GNPNAT1: variants seen among roughly 807,000 people sequenced by gnomAD.
GNPNAT1 encodes the protein glucosamine 6-phosphate N-acetyltransferase.
A neutral mutation model predicts 19.8 loss-of-function variants in GNPNAT1; 11 were observed. The observed-to-expected ratio is 0.56, with a 90% CI of 0.35 to 0.92. GNPNAT1 has a LOEUF of 0.92. Ranked by LOEUF, GNPNAT1 falls within the 40% of genes least tolerant of loss-of-function variation. GNPNAT1 has a pLI of 0.01. For missense variants in GNPNAT1, 157 were observed against 211.0 expected, an observed-to-expected ratio of 0.74 and a Z score of 1.59; for synonymous variants, 71 against 72.3, an observed-to-expected ratio of 0.98 and a Z score of 0.09.
In GNPNAT1 at chr14:52,779,706, G is replaced by A. The variant is rs866600334; in HGVS notation, c.407+973C>T. Among the ~76,000 whole-genome samples, 193 of 49,392 alleles carry A rather than the reference G, an allele frequency of 3.9e-3. 2 individuals are homozygous for A. The highest frequency in any genetic ancestry group is 0.014 in the African/African-American group (183 of 12,864). The allele number at this position is 49,392 out of a possible 152,430, so 32.4% of individuals were successfully genotyped here. ...ACTGTATACTCCAGCCTGGGCAACA[G>A]AAAGAGATCCCATCTCTTAAAAAAA... On this transcript the variant is annotated intron_variant, in intron 5 of 5. Transcript: ENST00000216410.
intron 1 of GNPNAT1, among the ~76,000 whole-genome samples, chr14:52,787,361 T>C (rs983136955): frequency 2.0e-5 from 3 of 152,112 alleles, no homozygotes; most frequent in Non-Finnish European, 2.9e-5. Flanking sequence ...ATACTAGTTA[T>C]GGGAAGGTAG....
rs999202226 is a variant in GNPNAT1 at position 52,777,568 on chromosome 14, G to A, written c.*743C>T. 2 of 152,122 alleles carry A rather than the reference G, an allele frequency of 1.3e-5. No individual in the cohort carries two copies. Among genetic ancestry groups the A allele is most frequent in the African/African-American group, 4.8e-5 (2 of 41,442 alleles). The allele number at this position is 152,122 out of a possible 1,614,324, so 9.4% of individuals were successfully genotyped here. A position where few individuals can be genotyped will look rare whatever the true frequency, so the allele number is the denominator to read the frequency against. ...ATAGGCTGAGGTTTGCTAATTCACT[G>A]TTTACAGAGGACCTTAGATGTCCCA... On this transcript the variant is annotated 3_prime_UTR_variant, in exon 6 of 6. Coordinates refer to ENST00000216410, the MANE Select transcript of GNPNAT1 (RefSeq NM_198066.4).
At chr14:52,784,214 T>C (rs1882958436) in intron 2 of GNPNAT1, among the ~76,000 whole-genome samples, 1 of 152,242 alleles carries the variant, frequency 6.6e-6, no homozygotes, top group South Asian at 2.1e-4. Context: ...TCCCTCCTTA[T>C]GTGTCATCAT....
intron 1 of GNPNAT1, among the ~76,000 whole-genome samples, chr14:52,785,220 G>A (rs985214894): frequency 2.0e-5 from 3 of 151,952 alleles, no homozygotes; most frequent in East Asian, 2.0e-4. Context: ...GAGCCACTGC[G>A]CCCGGCTATT....
chr14:52,784,425 A>T (rs1312270050), intron 2 of GNPNAT1, 72 bp downstream of exon 2: 2 of 1,253,954 alleles, frequency 1.6e-6, no homozygotes, highest in Admixed American at 2.8e-5. Context: ...TTTAAAAAAA[A>T]TTATCTGCAT....
rs1403066211 is a variant in GNPNAT1 at position 52,778,236 on chromosome 14, CAACA to C, written c.*71_*74del. 7.6e-6 allele frequency: 9 copies of C among 1,179,612 alleles called. No homozygotes were observed. The highest frequency in any genetic ancestry group is 9.4e-6 in the Non-Finnish European group (8 of 849,736). 73.1% of individuals were successfully genotyped at this position (1,179,612 alleles called of 1,614,324 possible). A position where few individuals can be genotyped will look rare whatever the true frequency, so the allele number is the denominator to read the frequency against. On this transcript the variant is annotated 3_prime_UTR_variant, in exon 6 of 6. Coordinates refer to ENST00000216410, the MANE Select transcript of GNPNAT1 (RefSeq NM_198066.4). ...ATTTATGGAGGTCACTCGGCTGCAGCAACAAAATATTTCAACTCTAGGAAGAGTG... is the reference window on the plus strand; with the variant it reads ...ATTTATGGAGGTCACTCGGCTGCAGCAAATATTTCAACTCTAGGAAGAGTG...
intron 3 of GNPNAT1, among the ~76,000 whole-genome samples, chr14:52,782,155 T>C (rs937548383): frequency 3.9e-5 from 6 of 152,126 alleles, no homozygotes; most frequent in South Asian, 4.1e-4. Flanking sequence ...ATAGCTATTT[T>C]AGATGAACAA....
chr14:52,782,592 G>C (rs1276975062), intron 3 of GNPNAT1, among the ~76,000 whole-genome samples: 1 of 151,996 alleles, frequency 6.6e-6, no homozygotes, highest in Non-Finnish European at 1.5e-5. Context: ...TGCATGCAAA[G>C]AAAAATTCAG....
chr14:52,786,857 A>ATTTTTTTTTTT (rs567085170), intron 1 of GNPNAT1, among the ~76,000 whole-genome samples: 5 of 98,686 alleles, frequency 5.1e-5, no homozygotes, highest in African/African-American at 1.5e-4. Context: ...CAGGTTTTGG[A>ATTTTTTTTTTT]TTTTTTTTTT....
At chr14:52,781,943 G>A in intron 3 of GNPNAT1, 32 bp from the exon 4 acceptor site, 1 of 1,547,766 alleles carries the variant, frequency 6.5e-7, no homozygotes, top group East Asian at 2.4e-5. Context: ...GTGTTACATA[G>A]TAGACATTCA....
At chr14:52,779,681 A>G (rs1161551398) in intron 5 of GNPNAT1, among the ~76,000 whole-genome samples, 2 of 129,084 alleles carry the variant, frequency 1.5e-5, no homozygotes, top group Non-Finnish European at 3.1e-5. Context: ...TGATCGTACC[A>G]CTGTATACTC....
intron 1 of GNPNAT1, among the ~76,000 whole-genome samples, chr14:52,785,083 G>A (rs897370456): frequency 7.9e-5 from 12 of 151,686 alleles, no homozygotes; most frequent in Admixed American, 7.2e-4. Context: ...GTGACACCAC[G>A]CCCGGCTAAT....
At position 52,785,166 on chromosome 14, in the gene GNPNAT1, G is replaced by T. The variant is rs1052684475; in HGVS notation, c.-14-502C>A. Among the ~76,000 whole-genome samples, 19 of 151,892 alleles carry T rather than the reference G, an allele frequency of 1.3e-4. 1 individual carries two copies. Among genetic ancestry groups the T allele is most frequent in the Admixed American group, 1.2e-3 (19 of 15,260 alleles). The stretch of plus-strand genomic sequence containing the variant: ...TGGTCTCAAACTCCCGACCTCAGGT[G>T]ATCTGCCCGCCTCGGCCTCCCAAAG... On this transcript the variant is annotated intron_variant, in intron 1 of 5. Coordinates refer to ENST00000216410, the MANE Select transcript of GNPNAT1 (RefSeq NM_198066.4).
At chr14:52,784,378 CTAAG>C (rs1882962061) in intron 2 of GNPNAT1, 115 bp downstream of exon 2, 9 of 688,500 alleles carry the variant, frequency 1.3e-5, no homozygotes, top group South Asian at 1.1e-4. Flanking sequence ...ACTTTAAAAA[CTAAG>C]TATTATACAA....
intron 5 of GNPNAT1, 115 bp from the exon 6 acceptor site, chr14:52,778,573 A>C: frequency 1.1e-6 from 1 of 889,618 alleles, no homozygotes; most frequent in Non-Finnish European, 1.7e-6. Context: ...ACAGGTTTAG[A>C]TTATGGCTTT....
chr14:52,781,325 G>A (rs1039234016), intron 4 of GNPNAT1, among the ~76,000 whole-genome samples: 1 of 152,072 alleles, frequency 6.6e-6, no homozygotes, highest in East Asian at 1.9e-4. Flanking sequence ...CATCCCAAGT[G>A]TTCCTACCTT....
chr14:52,782,684 G>GAAAT (rs57393815), intron 3 of GNPNAT1, among the ~76,000 whole-genome samples: 76,474 of 151,390 alleles, frequency 0.51, 19,343 homozygotes, highest in South Asian at 0.56. Context: ...ATGGGAAAAA[G>GAAAT]AAATTCAGTG....
intron 1 of GNPNAT1, among the ~76,000 whole-genome samples, chr14:52,785,550 C>G (rs1378282867): frequency 6.6e-6 from 1 of 151,486 alleles, no homozygotes; most frequent in East Asian, 2.1e-4. Flanking sequence ...TGGAGAAACC[C>G]CCATCTCTAC....
At chr14:52,783,520 T>G (rs368019758) in intron 2 of GNPNAT1, 35 bp from the exon 3 acceptor site, 203 of 1,366,444 alleles carry the variant, frequency 1.5e-4, no homozygotes, top group Admixed American at 3.4e-4. Flanking sequence ...ATTACGAGAA[T>G]AGCAAAAGGA....
Sources: gnomAD v4.1 joint callset for allele counts (sites outside exome capture counted in the v4.1 genomes callset) on GRCh38, gnomAD v4.1.1 for gene constraint, MANE v1.5 for transcripts, NCBI Gene and HGNC (gene_info 2026-07-23, HGNC 2026-07-21) for gene names.